The following CACNA2D1 variants were observed in gnomAD, a reference collection of about 807,000 sequenced individuals.
CACNA2D1 encodes the protein voltage-dependent calcium channel subunit alpha-2/delta-1.
Under a neutral mutation model 171.5 loss-of-function variants are expected in CACNA2D1, and 53 were observed. That is an observed-to-expected ratio of 0.31 (90% CI 0.25 to 0.39). CACNA2D1 has a LOEUF of 0.39. Among genes scored for constraint, CACNA2D1 ranks in the 10% least tolerant of loss-of-function variants. The probability of loss-of-function intolerance (pLI) is 1.00; values close to 1 mark genes in which losing one functional copy is unlikely to be tolerated. For synonymous variants in CACNA2D1, 442 were observed against 443.1 expected (o/e 1.00, Z 0.03); for missense variants, 903 against 1,299.8 (o/e 0.69, Z 4.69).
At chr7:82,111,392 A>ATGTGTG (rs1356772411) in intron 6 of CACNA2D1, among the ~76,000 whole-genome samples, 1 of 129,058 alleles carries the variant, frequency 7.7e-6, no homozygotes, top group African/African-American at 2.9e-5. Context: ...ATGTGTATAT[A>ATGTGTG]TGTATATATA....
At chr7:82,417,763 G>A (rs530825437) in intron 1 of CACNA2D1, among the ~76,000 whole-genome samples, 1 of 152,128 alleles carries the variant, frequency 6.6e-6, no homozygotes, top group Non-Finnish European at 1.5e-5. Flanking sequence ...TAGTAGGAAA[G>A]GTAAAGGCAA....
intron 1 of CACNA2D1, among the ~76,000 whole-genome samples, chr7:82,392,082 G>C (rs1174477662): frequency 6.6e-6 from 1 of 152,092 alleles, no homozygotes; most frequent in African/African-American, 2.4e-5. Context: ...TAAATCCATG[G>C]ACTGGATTAA....
intron 3 of CACNA2D1, among the ~76,000 whole-genome samples, chr7:82,316,636 G>A (rs1215661684): frequency 6.6e-6 from 1 of 152,164 alleles, no homozygotes. Context: ...ATATTAGTCT[G>A]TTCTCATGCT....
chr7:81,959,403 G>A (rs773278299), intron 37 of CACNA2D1, 46 bp from the exon 38 acceptor site: 1 of 1,289,882 alleles, frequency 7.8e-7, no homozygotes, highest in East Asian at 2.3e-5. Context: ...TTTTTCACAT[G>A]ATTAAAAATA....
At chr7:82,386,425 C>T (rs758819705) in intron 1 of CACNA2D1, among the ~76,000 whole-genome samples, 11 of 152,034 alleles carry the variant, frequency 7.2e-5, no homozygotes, top group South Asian at 2.1e-4. Context: ...CTTATCATAG[C>T]CTTCTAGAGC....
rs78384904 is a variant in CACNA2D1 at position 82,011,743 on chromosome 7, G to A, written c.1362+411C>T. 5.7e-3 allele frequency among the ~76,000 whole-genome samples: 875 copies of A among 152,280 alleles called. 12 individuals are homozygous for A. Among genetic ancestry groups the A allele is most frequent in the African/African-American group, 0.02 (844 of 41,574 alleles). ...GATCCAGCTATAGCTGTGGAGGCTA[G>A]ACATGCTTCTACTAGCTCCTCTACT... On this transcript the variant is annotated intron_variant, in intron 15 of 38. Transcript: ENST00000356860.
intron 19 of CACNA2D1, among the ~76,000 whole-genome samples, chr7:81,996,686 A>G (rs531929716): frequency 6.6e-6 from 1 of 151,016 alleles, no homozygotes; most frequent in African/African-American, 2.4e-5. Context: ...TATTAATATA[A>G]TACTCTCATT....
intron 38 of CACNA2D1, among the ~76,000 whole-genome samples, chr7:81,956,117 A>T (rs1793304587): frequency 1.3e-5 from 2 of 150,060 alleles, no homozygotes; most frequent in Admixed American, 1.3e-4. Flanking sequence ...CCTCTGGCGT[A>T]GCTGGGACCA....
intron 10 of CACNA2D1, among the ~76,000 whole-genome samples, chr7:82,040,471 A>AAAC (rs1491082108): frequency 3.0e-5 from 4 of 131,968 alleles, no homozygotes; most frequent in Admixed American, 1.5e-4. Flanking sequence ...AAAAAAAAAA[A>AAAC]CAGAAGGCTT....
chr7:82,194,757 AT>A (rs1436434619), intron 3 of CACNA2D1, among the ~76,000 whole-genome samples: 1 of 152,068 alleles, frequency 6.6e-6, no homozygotes, highest in Non-Finnish European at 1.5e-5. Context: ...TAACAGTAAA[AT>A]TATCTGTGAG....
chr7:82,281,983 A>T (rs141174504), intron 3 of CACNA2D1, among the ~76,000 whole-genome samples: 1 of 152,116 alleles, frequency 6.6e-6, no homozygotes, highest in Non-Finnish European at 1.5e-5. Context: ...AAAGAAAAAA[A>T]CTCCATGTGC....
At chr7:82,166,229 G>C (rs1795443387) in intron 4 of CACNA2D1, among the ~76,000 whole-genome samples, 1 of 151,928 alleles carries the variant, frequency 6.6e-6, no homozygotes, top group Admixed American at 6.6e-5. Context: ...TAAAATTAAA[G>C]CTATAACTGG....
Position 82,084,779 on chromosome 7 carries a change from T to C in CACNA2D1, c.648A>G (p.Arg216=). The change falls in exon 7 of 39, where the codon CGA becomes CGG. Residue 216 remains arginine, a synonymous_variant. Coordinates refer to ENST00000356860, the MANE Select transcript of CACNA2D1 (RefSeq NM_000722.4). ...QVFGSATGLA[R]YYPASPWVDN... ...TCACTAAGCACCTACCTGGATAATATCGAGCTAGGCCAGTGGCACTGCCAA... is the reference window on the plus strand; with the variant it reads ...TCACTAAGCACCTACCTGGATAATACCGAGCTAGGCCAGTGGCACTGCCAA... 6.2e-7 allele frequency: 1 copy of C among 1,614,020 alleles called. No homozygotes were observed. The highest frequency in any genetic ancestry group is 8.5e-7 in the Non-Finnish European group (1 of 1,179,910).
intron 3 of CACNA2D1, among the ~76,000 whole-genome samples, chr7:82,300,859 T>C (rs181568736): frequency 5.8e-4 from 89 of 152,212 alleles, no homozygotes; most frequent in African/African-American, 2.1e-3. Flanking sequence ...ACTGATATAG[T>C]CTCATTTTTC....
At chr7:82,146,983 CAAAAAAAAAAAA>C (rs764990586) in intron 4 of CACNA2D1, among the ~76,000 whole-genome samples, 1 of 25,474 alleles carries the variant, frequency 3.9e-5, no homozygotes, top group Non-Finnish European at 6.1e-5. Context: ...ACTCCCATCT[CAAAAAAAAAAAA>C]AAAAAAAAAA....
chr7:81,954,867 A>G (rs1793037772), intron 38 of CACNA2D1, among the ~76,000 whole-genome samples: 1 of 152,120 alleles, frequency 6.6e-6, no homozygotes, highest in African/African-American at 2.4e-5. Context: ...CTGCATAATA[A>G]TAGGAATAAT....
At chr7:82,205,777 C>A (rs1799948099) in intron 3 of CACNA2D1, among the ~76,000 whole-genome samples, 1 of 151,986 alleles carries the variant, frequency 6.6e-6, no homozygotes, top group Non-Finnish European at 1.5e-5. Flanking sequence ...AATTGCTGAC[C>A]ATTTGAAGTA....
intron 3 of CACNA2D1, among the ~76,000 whole-genome samples, chr7:82,175,417 T>C (rs1304370312): frequency 6.6e-6 from 1 of 152,080 alleles, no homozygotes; most frequent in Non-Finnish European, 1.5e-5. Flanking sequence ...CTTCAAACAG[T>C]TAACACCCAA....
chr7:82,379,622 T>C (rs920821322), intron 1 of CACNA2D1, among the ~76,000 whole-genome samples: 4 of 152,180 alleles, frequency 2.6e-5, no homozygotes, highest in Non-Finnish European at 4.4e-5. Flanking sequence ...ACTCAGACAA[T>C]TGTCTAAAAT....
Sources: allele counts gnomAD v4.1 joint callset (sites outside exome capture counted in the v4.1 genomes callset), GRCh38; gene constraint gnomAD v4.1.1; transcripts MANE v1.5; gene names NCBI Gene and HGNC (gene_info 2026-07-23, HGNC 2026-07-21).